The following LYRM7 variants were observed in gnomAD, a reference collection of about 807,000 sequenced individuals.
LYRM7 encodes the protein LYR motif containing 7.
LYRM7 carries 9 observed loss-of-function variants against 15.8 expected under a neutral mutation model. That is an observed-to-expected ratio of 0.57 (90% CI 0.34 to 0.99). LYRM7 has a LOEUF of 0.99. Ranked by LOEUF, LYRM7 falls within the 50% of genes least tolerant of loss-of-function variation. The pLI, the probability that LYRM7 is intolerant of heterozygous loss-of-function variation, is 0.02. For synonymous variants in LYRM7, 39 were observed against 39.4 expected (o/e 0.99, Z 0.04); for missense variants, 115 against 119.1 (o/e 0.97, Z 0.16).
intron 1 of LYRM7, among the ~76,000 whole-genome samples, chr5:131,176,226 A>G (rs1044271121): frequency 6.6e-6 from 1 of 152,138 alleles, no homozygotes; most frequent in African/African-American, 2.4e-5. Context: ...ACATGTTTTC[A>G]TTTGTCTTGA....
intron 1 of LYRM7, among the ~76,000 whole-genome samples, chr5:131,179,474 T>TTTTTTTTTTTTTTTTTTTTTTC (rs1755656398): frequency 1.2e-3 from 29 of 23,446 alleles, no homozygotes; most frequent in Non-Finnish European, 2.7e-3. Flanking sequence ...TTTTTTTTTC[T>TTTTTTTTTTTTTTTTTTTTTTC]TTTTTTTTTT....
At chr5:131,172,844 A>G (rs1755543553) in intron 1 of LYRM7, among the ~76,000 whole-genome samples, 1 of 152,094 alleles carries the variant, frequency 6.6e-6, no homozygotes, top group African/African-American at 2.4e-5. Flanking sequence ...ATCTGACTAT[A>G]AAGAATCCAC....
chr5:131,175,886 G>A (rs1333019619), intron 1 of LYRM7, among the ~76,000 whole-genome samples: 1 of 152,040 alleles, frequency 6.6e-6, no homozygotes, highest in African/African-American at 2.4e-5. Context: ...AACCTCCCAA[G>A]TAGCTGGGAT....
chr5:131,184,523 G>A (rs998008808), intron 3 of LYRM7, among the ~76,000 whole-genome samples: 2 of 151,836 alleles, frequency 1.3e-5, no homozygotes, highest in East Asian at 1.9e-4. Context: ...TTAATACTAC[G>A]CCTTGACATG....
intron 2 of LYRM7, among the ~76,000 whole-genome samples, chr5:131,181,463 A>ATG (rs1474362550): frequency 8.3e-5 from 11 of 132,576 alleles, no homozygotes; most frequent in Non-Finnish European, 1.6e-4. Context: ...AAACATATAT[A>ATG]TGTATATATA....
intron 4 of LYRM7, among the ~76,000 whole-genome samples, chr5:131,189,966 C>G (rs1394562633): frequency 6.6e-6 from 1 of 151,696 alleles, no homozygotes; most frequent in Non-Finnish European, 1.5e-5. Flanking sequence ...AACCCTGTCT[C>G]TACCAGAAAT....
chr5:131,172,017 A>G (rs1419565713), intron 1 of LYRM7, among the ~76,000 whole-genome samples: 1 of 152,244 alleles, frequency 6.6e-6, no homozygotes, highest in Non-Finnish European at 1.5e-5. Flanking sequence ...AAAGAAATCT[A>G]GCAGGTGGGG....
Position 131,203,215 on chromosome 5 carries a change from G to C in LYRM7, c.*3614G>C, listed in dbSNP as rs1019516665. 2.0e-5 allele frequency: 3 copies of C among 152,302 alleles called. No homozygotes were observed. The highest frequency in any genetic ancestry group is 7.2e-5 in the African/African-American group (3 of 41,438). 9.4% of individuals were successfully genotyped at this position (152,302 alleles called of 1,614,324 possible). On this transcript the variant is annotated 3_prime_UTR_variant, in exon 5 of 5. Coordinates refer to ENST00000379380, the MANE Select transcript of LYRM7 (RefSeq NM_181705.4). ...CATGCAAAATTAATATAGTTTTACTGTATATCAGTTGTCACCAATCAGAAA... is the reference window on the plus strand; with the variant it reads ...CATGCAAAATTAATATAGTTTTACTCTATATCAGTTGTCACCAATCAGAAA...
At position 131,199,848 on chromosome 5, in the gene LYRM7, G is replaced by T; in HGVS notation, c.*247G>T. On this transcript the variant is annotated 3_prime_UTR_variant, in exon 5 of 5. Transcript: ENST00000379380. ...TTCATTGAAAATCAAATTTCATAAA[G>T]CAAAGTAAATGCTTAGGGAGATATA... 3.5e-6 allele frequency: 1 copy of T among 282,108 alleles called. No individual in the cohort carries two copies. Among genetic ancestry groups the T allele is most frequent in the Non-Finnish European group, 6.6e-6 (1 of 152,060 alleles). The allele number at this position is 282,108 out of a possible 1,614,324, so 17.5% of individuals were successfully genotyped here. A position where few individuals can be genotyped will look rare whatever the true frequency, so the allele number is the denominator to read the frequency against.
At chr5:131,197,990 A>G (rs868087868) in intron 4 of LYRM7, among the ~76,000 whole-genome samples, 1 of 152,154 alleles carries the variant, frequency 6.6e-6, no homozygotes, top group African/African-American at 2.4e-5. Flanking sequence ...AGATTCTACA[A>G]ATGCTAACAT....
In LYRM7 at chr5:131,204,602, G is replaced by GC. The variant is rs545023743; in HGVS notation, c.*5003dup. On this transcript the variant is annotated 3_prime_UTR_variant, in exon 5 of 5. Coordinates refer to ENST00000379380, the MANE Select transcript of LYRM7 (RefSeq NM_181705.4). ...ACATGACTGATGCTCAAAGGAAATG[G>GC]CCACTGGAAGATTTCAGATTTTCAG... The GC allele has an allele frequency of 4.0e-4, 60 of 150,626 alleles. No individual in the cohort carries two copies. Among genetic ancestry groups the GC allele is most frequent in the African/African-American group, 1.3e-3 (53 of 40,994 alleles). 9.3% of individuals were successfully genotyped at this position (150,626 alleles called of 1,614,324 possible). A position where few individuals can be genotyped will look rare whatever the true frequency, so the allele number is the denominator to read the frequency against.
intron 4 of LYRM7, among the ~76,000 whole-genome samples, chr5:131,196,191 C>T (rs554510967): frequency 6.7e-6 from 1 of 150,360 alleles, no homozygotes; most frequent in Non-Finnish European, 1.5e-5. Context: ...GCAACCTCAG[C>T]CTCCCGGGTT....
At chr5:131,189,742 T>G (rs1172898976) in intron 4 of LYRM7, among the ~76,000 whole-genome samples, 1 of 152,230 alleles carries the variant, frequency 6.6e-6, no homozygotes, top group Non-Finnish European at 1.5e-5. Flanking sequence ...CCTTCATGTC[T>G]TGATTTTTAC....
At chr5:131,182,518 T>C (rs887044404) in intron 3 of LYRM7, among the ~76,000 whole-genome samples, 1 of 152,044 alleles carries the variant, frequency 6.6e-6, no homozygotes, top group South Asian at 2.1e-4. Context: ...AACATGGAAA[T>C]AGCCATGATC....
At chr5:131,173,656 G>A (rs1755556885) in intron 1 of LYRM7, among the ~76,000 whole-genome samples, 1 of 152,186 alleles carries the variant, frequency 6.6e-6, no homozygotes, top group Admixed American at 6.5e-5. Context: ...GGCTGAGGCA[G>A]CAGAATCCCT....
intron 2 of LYRM7, among the ~76,000 whole-genome samples, chr5:131,181,819 A>G (rs1341259040): frequency 1.3e-5 from 2 of 152,088 alleles, no homozygotes; most frequent in African/African-American, 2.4e-5. Context: ...TTTGCTGCCA[A>G]TCTCTGTGTA....
intron 1 of LYRM7, among the ~76,000 whole-genome samples, chr5:131,171,973 G>A (rs1307733868): frequency 1.3e-5 from 2 of 152,188 alleles, no homozygotes; most frequent in African/African-American, 4.8e-5. Context: ...AAGCATAGTG[G>A]ATGCAACAAT....
intron 1 of LYRM7, among the ~76,000 whole-genome samples, chr5:131,173,684 G>A (rs952884615): frequency 3.3e-5 from 5 of 152,180 alleles, no homozygotes; most frequent in African/African-American, 1.2e-4. Flanking sequence ...AGGAGGCAGA[G>A]GCTGCAGTGA....
chr5:131,179,474 T>TTTTTTTTTTTTTTTTTTTTTTTTTTTC (rs1755656398), intron 1 of LYRM7, among the ~76,000 whole-genome samples: 1 of 23,490 alleles, frequency 4.3e-5, no homozygotes, highest in Non-Finnish European at 1.9e-4. Flanking sequence ...TTTTTTTTTC[T>TTTTTTTTTTTTTTTTTTTTTTTTTTTC]TTTTTTTTTT....
Sources: allele counts gnomAD v4.1 joint callset (sites outside exome capture counted in the v4.1 genomes callset), GRCh38; gene constraint gnomAD v4.1.1; transcripts MANE v1.5; gene names NCBI Gene and HGNC (gene_info 2026-07-23, HGNC 2026-07-21).